The following PCDH9 variants were observed in gnomAD, a reference collection of about 807,000 sequenced individuals.
PCDH9 encodes protocadherin 9, also known as protocadherin-9.
PCDH9 carries 24 observed loss-of-function variants against 70.6 expected under a neutral mutation model. The observed-to-expected ratio is 0.34, with a 90% CI of 0.25 to 0.48. The LOEUF is 0.48. PCDH9 is among the 20% of genes least tolerant of loss of function. The probability of loss-of-function intolerance (pLI) is 0.99; values close to 1 mark genes in which losing one functional copy is unlikely to be tolerated. For missense variants in PCDH9, 1,281 were observed against 1,503.6 expected (o/e 0.85, Z 2.45); for synonymous variants, 562 against 558.5 (o/e 1.01, Z -0.09).
At chr13:67,195,553 T>A (rs1231782232) in intron 2 of PCDH9, among the ~76,000 whole-genome samples, 1 of 152,176 alleles carries the variant, frequency 6.6e-6, no homozygotes, top group Admixed American at 6.6e-5. Context: ...GACAAGTTAT[T>A]AGACTTTACC....
intron 3 of PCDH9, among the ~76,000 whole-genome samples, chr13:66,695,667 T>C (rs2146742): frequency 6.6e-6 from 1 of 152,094 alleles, no homozygotes; most frequent in South Asian, 2.1e-4. Context: ...TTCCTAACTG[T>C]ATCCTGAAAA....
At chr13:67,035,859 T>C (rs2084999025) in intron 2 of PCDH9, among the ~76,000 whole-genome samples, 2 of 152,096 alleles carry the variant, frequency 1.3e-5, no homozygotes, top group African/African-American at 4.8e-5. Flanking sequence ...TAGCCCCAAA[T>C]CCAATATTTG....
chr13:66,964,614 TA>T lies in PCDH9; in HGVS notation c.3037-61010del, dbSNP rs879649336. On this transcript the variant is annotated intron_variant, in intron 2 of 4. Coordinates refer to ENST00000377865, the MANE Select transcript of PCDH9 (RefSeq NM_203487.3). ...ATGAAATGCTTTCCTGGGCAAAATG[TA>T]AAAAAAAAAAATATTCTTCAGGATT... Among the ~76,000 whole-genome samples the T allele has an allele frequency of 3.7e-3, 542 of 144,924 alleles. 2 individuals are homozygous for T. The highest frequency in any genetic ancestry group is 4.4e-3 in the African/African-American group (177 of 39,940).
chr13:66,373,725 A>G (rs1298772741), intron 4 of PCDH9, among the ~76,000 whole-genome samples: 3 of 152,100 alleles, frequency 2.0e-5, no homozygotes, highest in Non-Finnish European at 4.4e-5. Flanking sequence ...AAGAGTAGGT[A>G]GTAATATTTT....
At chr13:66,774,295 C>T (rs1289562197) in intron 3 of PCDH9, among the ~76,000 whole-genome samples, 1 of 152,128 alleles carries the variant, frequency 6.6e-6, no homozygotes, top group African/African-American at 2.4e-5. Flanking sequence ...TAAAAAGCCA[C>T]CTTGCAAACC....
rs114937150 is a variant in PCDH9, at chr13:67,092,784, T to C, written c.3036+132621A>G. Among the ~76,000 whole-genome samples the C allele has an allele frequency of 7.9e-3, 1,204 of 152,312 alleles. 12 individuals are homozygous for C. The highest frequency in any genetic ancestry group is 0.027 in the African/African-American group (1,136 of 41,566). On this transcript the variant is annotated intron_variant, in intron 2 of 4. Transcript: ENST00000377865. The stretch of plus-strand genomic sequence containing the variant: ...GAGATTTTACTTTCCAACTCTAATG[T>C]TGAGTTTTATAACATCGTTAGGTTT...
rs55837718 is a variant in PCDH9 at position 66,304,260 on chromosome 13, C to CAAAAAAAAAAAAAAAAAAAA, written c.*375_*394dup. The CAAAAAAAAAAAAAAAAAAAA allele has an allele frequency of 6.1e-5, 4 of 65,364 alleles. 1 individual carries two copies. The highest frequency in any genetic ancestry group is 8.1e-5 in the Non-Finnish European group (3 of 36,830). 4.0% of individuals were successfully genotyped at this position (65,364 alleles called of 1,614,324 possible). A position where few individuals can be genotyped will look rare whatever the true frequency, so the allele number is the denominator to read the frequency against. The stretch of plus-strand genomic sequence containing the variant: ...TAGCAGTCCCAGCACAAATCAATGA[C>CAAAAAAAAAAAAAAAAAAAA]AAAAAAAAAAAAAAAAAAAAAAAAA... On this transcript the variant is annotated 3_prime_UTR_variant, in exon 5 of 5. Transcript: ENST00000377865.
intron 2 of PCDH9, chr13:67,208,153 C>A (rs928889667): frequency 2.6e-5 from 4 of 152,186 alleles, no homozygotes; most frequent in African/African-American, 7.2e-5. Context: ...CTTTATCTGT[C>A]CATCTTCTAA....
At chr13:66,423,796 C>T (rs928673050) in intron 4 of PCDH9, among the ~76,000 whole-genome samples, 9 of 152,276 alleles carry the variant, frequency 5.9e-5, no homozygotes, top group Non-Finnish European at 1.3e-4. Flanking sequence ...CTCACCACTC[C>T]TATTCAACAT....
chr13:66,373,222 T>C (rs1956690008), intron 4 of PCDH9, among the ~76,000 whole-genome samples: 1 of 151,890 alleles, frequency 6.6e-6, no homozygotes, highest in Admixed American at 6.6e-5. Context: ...CCAGATGAAA[T>C]AAGACACAAA....
At chr13:66,585,630 C>T (rs2076952466) in intron 4 of PCDH9, among the ~76,000 whole-genome samples, 1 of 152,116 alleles carries the variant, frequency 6.6e-6, no homozygotes. Flanking sequence ...AAAATAGTTG[C>T]ATTGTCATAA....
intron 4 of PCDH9, among the ~76,000 whole-genome samples, chr13:66,422,677 G>T (rs962599272): frequency 6.6e-6 from 1 of 152,056 alleles, no homozygotes; most frequent in Non-Finnish European, 1.5e-5. Flanking sequence ...GAAATTTATG[G>T]CACTAAATGC....
In PCDH9 at chr13:66,551,904, G is replaced by T. The variant is rs565935677; in HGVS notation, c.3340+79306C>A. 3.9e-4 allele frequency among the ~76,000 whole-genome samples: 60 copies of T among 152,238 alleles called. 1 individual carries two copies. Among genetic ancestry groups the T allele is most frequent in the Admixed American group, 2.3e-3 (35 of 15,288 alleles). On this transcript the variant is annotated intron_variant, in intron 4 of 4. Coordinates refer to ENST00000377865, the MANE Select transcript of PCDH9 (RefSeq NM_203487.3). ...ATAAAGAAATAAATGTATTTCATATGAAGATTTTGTCCTGAGTGAGAGACG... is the reference window on the plus strand; with the variant it reads ...ATAAAGAAATAAATGTATTTCATATTAAGATTTTGTCCTGAGTGAGAGACG...
chr13:66,598,894 T>A (rs1486787768), intron 4 of PCDH9, among the ~76,000 whole-genome samples: 4 of 152,014 alleles, frequency 2.6e-5, no homozygotes, highest in South Asian at 4.1e-4. Context: ...CTTTGATTAG[T>A]ACAGTGTATC....
intron 2 of PCDH9, among the ~76,000 whole-genome samples, chr13:67,170,594 T>C (rs1261918847): frequency 6.6e-6 from 1 of 152,088 alleles, no homozygotes; most frequent in African/African-American, 2.4e-5. Context: ...ATAATAACAA[T>C]GGGAATTGCA....
chr13:67,113,080 A>G (rs2086689004), intron 2 of PCDH9, among the ~76,000 whole-genome samples: 2 of 152,312 alleles, frequency 1.3e-5, no homozygotes, highest in Admixed American at 6.5e-5. Flanking sequence ...CTTTTCAGTT[A>G]AAATCATATC....
At chr13:66,636,768 A>G (rs2077643574) in intron 3 of PCDH9, among the ~76,000 whole-genome samples, 1 of 151,738 alleles carries the variant, frequency 6.6e-6, no homozygotes. Flanking sequence ...CTAAATACAT[A>G]CACACACACA....
At chr13:66,816,894 G>C (rs1384908533) in intron 3 of PCDH9, among the ~76,000 whole-genome samples, 1 of 150,096 alleles carries the variant, frequency 6.7e-6, no homozygotes, top group Non-Finnish European at 1.5e-5. Flanking sequence ...TGATGGTATT[G>C]CATGTTTAAA....
intron 4 of PCDH9, among the ~76,000 whole-genome samples, chr13:66,337,835 A>G (rs1956062462): frequency 6.6e-6 from 1 of 152,072 alleles, no homozygotes; most frequent in Non-Finnish European, 1.5e-5. Flanking sequence ...AATTTAATTG[A>G]ATGCATTTTT....
Sources: gnomAD v4.1 joint callset for allele counts (sites outside exome capture counted in the v4.1 genomes callset) on GRCh38, gnomAD v4.1.1 for gene constraint, MANE v1.5 for transcripts, NCBI Gene and HGNC (gene_info 2026-07-23, HGNC 2026-07-21) for gene names.